SHISA9: variants seen among roughly 807,000 people sequenced by gnomAD.
SHISA9 encodes the protein protein shisa-9.
In SHISA9, 13 loss-of-function variants were observed where a neutral mutation model predicts 38.0. The ratio of observed to expected loss-of-function variants is 0.34; its 90% confidence interval spans 0.22 to 0.54. The LOEUF (loss-of-function observed/expected upper bound fraction) is 0.54, where lower values mean the gene tolerates loss of function less well. Ranked by LOEUF, SHISA9 falls within the 20% of genes least tolerant of loss-of-function variation. The pLI, the probability that SHISA9 is intolerant of heterozygous loss-of-function variation, is 0.91. For missense variants in SHISA9, 538 were observed against 575.8 expected (o/e 0.93, Z 0.67); for synonymous variants, 275 against 242.0 (o/e 1.14, Z -1.27).
the SHISA9 span, among the ~76,000 whole-genome samples, chr16:13,543,742 A>G: frequency 6.6e-6 from 1 of 152,084 alleles, no homozygotes; most frequent in African/African-American, 2.4e-5. Context: ...TGCCTCCCAA[A>G]TGCTGCTGCA....
chr16:13,097,126 GAGTAAT>G (rs2073835803), intron 2 of SHISA9, among the ~76,000 whole-genome samples: 1 of 152,164 alleles, frequency 6.6e-6, no homozygotes, highest in Non-Finnish European at 1.5e-5. Context: ...AATGACTGTT[GAGTAAT>G]ACTAAATGGG....
chr16:13,086,638 G>T (rs1437692880), intron 2 of SHISA9, among the ~76,000 whole-genome samples: 2 of 151,904 alleles, frequency 1.3e-5, no homozygotes, highest in Non-Finnish European at 2.9e-5. Flanking sequence ...ACAGGGAAAT[G>T]GATTAGAAGA....
At chr16:13,418,774 T>C in the SHISA9 span, among the ~76,000 whole-genome samples, 3 of 152,178 alleles carry the variant, frequency 2.0e-5, no homozygotes, top group East Asian at 5.8e-4. Context: ...CTATAAGTAA[T>C]AATCTAACCT....
the SHISA9 span, among the ~76,000 whole-genome samples, chr16:13,368,939 T>C: frequency 3.5e-4 from 54 of 152,290 alleles, no homozygotes; most frequent in African/African-American, 1.1e-3. Context: ...AGGATGAGAC[T>C]CCTTAGTAAG....
At chr16:13,263,339 G>A in the SHISA9 span, among the ~76,000 whole-genome samples, 1 of 152,202 alleles carries the variant, frequency 6.6e-6, no homozygotes, top group Admixed American at 6.5e-5. Flanking sequence ...GGTGGGGCCT[G>A]GTGGGAGGAG....
chr16:13,250,882 G>C, the SHISA9 span, among the ~76,000 whole-genome samples: 3 of 152,154 alleles, frequency 2.0e-5, no homozygotes, highest in Non-Finnish European at 4.4e-5. Flanking sequence ...CCATGATTCA[G>C]ATGCTCTGTG....
intron 2 of SHISA9, among the ~76,000 whole-genome samples, chr16:12,927,135 C>T (rs1038244834): frequency 2.0e-5 from 3 of 151,944 alleles, no homozygotes; most frequent in East Asian, 1.9e-4. Context: ...TTACTAATAT[C>T]GTAATACATA....
At chr16:13,158,313 G>T (rs2050565101) in intron 2 of SHISA9, among the ~76,000 whole-genome samples, 1 of 152,154 alleles carries the variant, frequency 6.6e-6, no homozygotes, top group South Asian at 2.1e-4. Flanking sequence ...TTAGTTGCAA[G>T]CAAAAGAACC....
intron 2 of SHISA9, among the ~76,000 whole-genome samples, chr16:13,047,383 C>A (rs1295301777): frequency 6.6e-6 from 1 of 151,776 alleles, no homozygotes; most frequent in Non-Finnish European, 1.5e-5. Flanking sequence ...GGGGCAGGGC[C>A]TTCAGCTGGG....
chr16:13,242,201 T>G (rs907160107), downstream of SHISA9, among the ~76,000 whole-genome samples: 5 of 152,244 alleles, frequency 3.3e-5, no homozygotes, highest in African/African-American at 1.2e-4. Context: ...GAACTGGGAT[T>G]TGAACTCCAG....
chr16:12,933,959 G>T (rs1159086920), intron 2 of SHISA9, among the ~76,000 whole-genome samples: 1 of 152,148 alleles, frequency 6.6e-6, no homozygotes, highest in Non-Finnish European at 1.5e-5. Context: ...CAAGGCTGGT[G>T]TCACTGAGAA....
the SHISA9 span, among the ~76,000 whole-genome samples, chr16:13,502,026 A>G: frequency 6.6e-6 from 1 of 152,098 alleles, no homozygotes; most frequent in African/African-American, 2.4e-5. Flanking sequence ...TGCTGAAAGA[A>G]TGAACAAATA....
chr16:13,547,951 C>A, the SHISA9 span, among the ~76,000 whole-genome samples: 1 of 152,104 alleles, frequency 6.6e-6, no homozygotes, highest in Non-Finnish European at 1.5e-5. Flanking sequence ...CATCACACTA[C>A]CTGACTTCAA....
At chr16:13,206,654 TATA>T (rs2051067711) in intron 3 of SHISA9, among the ~76,000 whole-genome samples, 1 of 152,332 alleles carries the variant, frequency 6.6e-6, no homozygotes, top group Non-Finnish European at 1.5e-5. Flanking sequence ...GAGCCAAATT[TATA>T]ATACCAAGGA....
At chr16:13,413,509 A>G in the SHISA9 span, among the ~76,000 whole-genome samples, 1 of 152,086 alleles carries the variant, frequency 6.6e-6, no homozygotes, top group Non-Finnish European at 1.5e-5. Flanking sequence ...CAATCCCAAC[A>G]CTTTGGGAGG....
chr16:13,174,490 G>A lies in SHISA9; in HGVS notation c.692-28904G>A, dbSNP rs190640220. Among the ~76,000 whole-genome samples, 21 of 152,318 alleles carry A rather than the reference G, an allele frequency of 1.4e-4. No individual in the cohort carries two copies. In the South Asian group the frequency reaches 3.7e-3, roughly 27 times the overall value. On this transcript the variant is annotated intron_variant, in intron 2 of 4. Transcript: ENST00000558583. The stretch of plus-strand genomic sequence containing the variant: ...CCATGTTGGTCCTCAGAGAGATAGC[G>A]ATGGCCTGAATTAAGGCAGGCAAAC...
intron 2 of SHISA9, among the ~76,000 whole-genome samples, chr16:13,152,183 A>G (rs1264197713): frequency 6.6e-6 from 1 of 152,228 alleles, no homozygotes; most frequent in African/African-American, 2.4e-5. Flanking sequence ...GCATATGAAA[A>G]GTCTACCACT....
At chr16:13,457,243 T>C in the SHISA9 span, among the ~76,000 whole-genome samples, 1 of 152,106 alleles carries the variant, frequency 6.6e-6, no homozygotes, top group Non-Finnish European at 1.5e-5. Context: ...GAGGCAGAGG[T>C]TGCAGTGAGC....
At chr16:13,138,718 A>G (rs1004054993) in intron 2 of SHISA9, among the ~76,000 whole-genome samples, 14 of 152,138 alleles carry the variant, frequency 9.2e-5, no homozygotes, top group African/African-American at 2.9e-4. Flanking sequence ...CACACATATC[A>G]TCTCTTGTTC....
Sources: gnomAD v4.1 joint callset for allele counts (sites outside exome capture counted in the v4.1 genomes callset) on GRCh38, gnomAD v4.1.1 for gene constraint, MANE v1.5 for transcripts, NCBI Gene and HGNC (gene_info 2026-07-23, HGNC 2026-07-21) for gene names.